UNC13B: variants seen among roughly 807,000 people sequenced by gnomAD.
UNC13B encodes the protein unc-13 homolog B.
UNC13B carries 144 observed loss-of-function variants against 211.0 expected under a neutral mutation model. The ratio of observed to expected loss-of-function variants is 0.68; its 90% CI spans 0.60 to 0.78. The LOEUF (loss-of-function observed/expected upper bound fraction) is 0.78. Among genes scored for constraint, UNC13B ranks in the 30% least tolerant of loss-of-function variants. The pLI is 0.00. For synonymous variants in UNC13B, 709 were observed against 725.8 expected, an observed-to-expected ratio of 0.98 and a Z score of 0.37; for missense variants, 1,777 against 2,002.0, an observed-to-expected ratio of 0.89 and a Z score of 2.14.
rs1375384535 is a variant in UNC13B, at chr9:35,376,190, T to G, written c.9778T>G (p.Cys3260Gly). Reference protein sequence around the residue: ...IARQGMRCSECGVKCHEKCQD... With the variant: ...IARQGMRCSEGGVKCHEKCQD... The stretch of plus-strand genomic sequence containing the variant: ...CCGGCAGGGCATGCGCTGCAGCGAA[T>G]GTGGAGTCAAGTGCCATGAGAAGTG... Residue 3260 changes from cysteine to glycine, a missense_variant, in exon 15 of 40, where the codon TGT becomes GGT. By Grantham distance (159) the Cys-to-Gly change is radical (BLOSUM62 -3). Transcript: ENST00000635942. The G allele has an allele frequency of 3.1e-6, 5 of 1,614,082 alleles. No individual in the cohort carries two copies. Among genetic ancestry groups the G allele is most frequent in the Non-Finnish European group, 4.2e-6 (5 of 1,180,000 alleles).
intron 11 of UNC13B, chr9:35,351,367 A>G (rs1394942213): frequency 8.1e-7 from 1 of 1,227,146 alleles, no homozygotes; most frequent in East Asian, 3.2e-5. Context: ...CATTCCAGGC[A>G]GCACTGTGGG....
At chr9:35,169,748 T>C (rs766335816) in intron 1 of UNC13B, among the ~76,000 whole-genome samples, 47 of 152,246 alleles carry the variant, frequency 3.1e-4, no homozygotes, top group South Asian at 8.3e-4. Flanking sequence ...GCTATTGTTA[T>C]AAACTGTTCT....
intron 26 of UNC13B, among the ~76,000 whole-genome samples, chr9:35,393,996 A>G (rs1036266842): frequency 2.6e-5 from 4 of 152,102 alleles, no homozygotes; most frequent in African/African-American, 9.7e-5. Context: ...GTGGATTGGG[A>G]GGCAGAATGA....
rs1829718780 is a variant in UNC13B, at chr9:35,302,186, A to G, written c.2782A>G (p.Ile928Val). The G allele has an allele frequency of 1.0e-5, 4 of 398,688 alleles. No homozygotes were observed. The highest frequency in any genetic ancestry group is 2.1e-5 in the African/African-American group (1 of 48,642). The allele number at this position is 398,688 out of a possible 1,614,324, so 24.7% of individuals were successfully genotyped here. Residue 928 changes from isoleucine to valine, a missense_variant, in exon 9 of 40, where the codon ATA becomes GTA. By Grantham distance (29) the Ile-to-Val change is conservative. Coordinates refer to ENST00000635942, the MANE Select transcript of UNC13B (RefSeq NM_001371189.2). Reference protein sequence around the residue: ...NCHEDTKHSSIKSSSVPNIHS... With the variant: ...NCHEDTKHSSVKSSSVPNIHS... ...CCATGAAGATACCAAACATAGTTCA[A>G]TAAAATCTAGTTCTGTTCCAAATAT...
chr9:35,214,122 A>G (rs1025964918), intron 1 of UNC13B, among the ~76,000 whole-genome samples: 3 of 152,152 alleles, frequency 2.0e-5, no homozygotes. Context: ...AAAGAAAGGG[A>G]TACTATATTT....
At chr9:35,222,698 C>T (rs1824628949) in intron 1 of UNC13B, among the ~76,000 whole-genome samples, 1 of 152,204 alleles carries the variant, frequency 6.6e-6, no homozygotes, top group African/African-American at 2.4e-5. Flanking sequence ...TTTATCACTT[C>T]TTTGTGTTGG....
chr9:35,403,718 G>A, intron 39 of UNC13B, 30 bp from the exon 40 acceptor site: 1 of 1,612,462 alleles, frequency 6.2e-7, no homozygotes, highest in Non-Finnish European at 8.5e-7. Context: ...ACTCAACTCT[G>A]GCCTCATAAC....
At chr9:35,262,304 A>C (rs1257616572) in intron 7 of UNC13B, among the ~76,000 whole-genome samples, 27 of 104,110 alleles carry the variant, frequency 2.6e-4, no homozygotes, top group Non-Finnish European at 3.6e-4. Flanking sequence ...TTCTCTTTTC[A>C]CTTTTCTCTT....
intron 11 of UNC13B, among the ~76,000 whole-genome samples, chr9:35,328,274 T>G (rs552451311): frequency 6.6e-6 from 1 of 152,344 alleles, no homozygotes; most frequent in Non-Finnish European, 1.5e-5. Context: ...TCCTCCCACC[T>G]TGACCTACCA....
chr9:35,348,460 G>A (rs553869191), intron 11 of UNC13B, among the ~76,000 whole-genome samples: 1 of 152,302 alleles, frequency 6.6e-6, no homozygotes, highest in South Asian at 2.1e-4. Flanking sequence ...GAGAAAGCAG[G>A]ACTAACTTTA....
chr9:35,222,057 A>G (rs984963786), intron 1 of UNC13B, among the ~76,000 whole-genome samples: 3 of 152,128 alleles, frequency 2.0e-5, no homozygotes, highest in African/African-American at 4.8e-5. Flanking sequence ...TGATTCCTGT[A>G]TCTTTATAAT....
chr9:35,364,492 G>A lies in UNC13B; in HGVS notation c.9415-2455G>A, dbSNP rs1833642353. ...TTTTCTTTGGGTTCCCTACTTATAG[G>A]ACTGACTCTACTAACCTTTCTGCCC... On this transcript the variant is annotated intron_variant, in intron 11 of 39. Coordinates refer to ENST00000635942, the MANE Select transcript of UNC13B (RefSeq NM_001371189.2). 5 of 1,532,962 alleles carry A rather than the reference G, an allele frequency of 3.3e-6. No homozygotes were observed. The African/African-American group carries it at 6.9e-5, about 21-fold the overall frequency. 95.0% of individuals were successfully genotyped at this position (1,532,962 alleles called of 1,614,324 possible). A position where few individuals can be genotyped will look rare whatever the true frequency, so the allele number is the denominator to read the frequency against.
At chr9:35,384,192 G>T in intron 21 of UNC13B, 54 bp from the exon 22 acceptor site, 1 of 1,609,618 alleles carries the variant, frequency 6.2e-7, no homozygotes. Flanking sequence ...ATAGTTTAGG[G>T]GACTCAGACA....
chr9:35,389,361 A>T (rs1835381434), intron 24 of UNC13B, among the ~76,000 whole-genome samples: 1 of 152,098 alleles, frequency 6.6e-6, no homozygotes, highest in Non-Finnish European at 1.5e-5. Flanking sequence ...TGCGCACCAG[A>T]TCTGTTCAGT....
chr9:35,171,923 CAT>C (rs1361533119), intron 1 of UNC13B, among the ~76,000 whole-genome samples: 1 of 152,164 alleles, frequency 6.6e-6, no homozygotes, highest in Non-Finnish European at 1.5e-5. Flanking sequence ...TTAGATTAAA[CAT>C]AAATTAAAAT....
chr9:35,236,403 C>T lies in UNC13B; in HGVS notation c.153-66C>T. 1.5e-6 allele frequency: 2 copies of T among 1,292,712 alleles called. 1 individual carries two copies. The highest frequency in any genetic ancestry group is 3.8e-4 in the Middle Eastern group (2 of 5,292). The allele number at this position is 1,292,712 out of a possible 1,614,324, so 80.1% of individuals were successfully genotyped here. ...AGAAAGCATTCAAAGTTTAGCAAAA[C>T]AGGAGATGTAGTTGTTTCTTTCATA... On this transcript the variant is annotated intron_variant, in intron 3 of 39. Transcript: ENST00000635942.
intron 1 of UNC13B, among the ~76,000 whole-genome samples, chr9:35,173,899 C>T (rs2131269786): frequency 6.6e-6 from 1 of 152,286 alleles, no homozygotes; most frequent in African/African-American, 2.4e-5. Flanking sequence ...TACCTCATCT[C>T]ATTAAACCTT....
chr9:35,207,432 A>T (rs1823719831), intron 1 of UNC13B, among the ~76,000 whole-genome samples: 1 of 150,820 alleles, frequency 6.6e-6, no homozygotes, highest in African/African-American at 2.4e-5. Flanking sequence ...TTGGCTAATT[A>T]AAAAAAAATA....
intron 11 of UNC13B, chr9:35,352,258 G>A (rs1317314959): frequency 7.3e-6 from 9 of 1,232,070 alleles, no homozygotes; most frequent in African/African-American, 3.1e-5. Flanking sequence ...TTCTAGCCAA[G>A]CACCTTTGTG....
Sources: allele counts gnomAD v4.1 joint callset (sites outside exome capture counted in the v4.1 genomes callset), GRCh38; gene constraint gnomAD v4.1.1; transcripts MANE v1.5; gene names NCBI Gene and HGNC (gene_info 2026-07-23, HGNC 2026-07-21).